Variants in CACNA1C observed in about 807,000 individuals in gnomAD.
CACNA1C encodes voltage-dependent L-type calcium channel subunit alpha-1C.
Under a neutral mutation model 229.0 loss-of-function variants are expected in CACNA1C, and 30 were observed. That is an observed-to-expected ratio of 0.13 (90% CI 0.10 to 0.18). CACNA1C has a LOEUF of 0.18. Ranked by LOEUF, CACNA1C falls within the 10% of genes least tolerant of loss-of-function variation. The pLI is 1.00. For synonymous variants in CACNA1C, 1,114 were observed against 1,132.5 expected (o/e 0.98, Z 0.33); for missense variants, 1,658 against 2,845.0 (o/e 0.58, Z 9.49).
At chr12:2,114,271 T>G (rs1202200796) in intron 1 of CACNA1C, among the ~76,000 whole-genome samples, 2 of 152,194 alleles carry the variant, frequency 1.3e-5, no homozygotes, top group Non-Finnish European at 2.9e-5. Context: ...TTGAGGCTAG[T>G]CTGGGCTTCC....
chr12:2,456,295 C>A (rs1388100407), intron 4 of CACNA1C, among the ~76,000 whole-genome samples: 1 of 152,180 alleles, frequency 6.6e-6, no homozygotes, highest in Non-Finnish European at 1.5e-5. Flanking sequence ...TCTGAGCCAC[C>A]CAGTGTCTCG....
At chr12:2,350,482 C>T (rs1294909862) in intron 3 of CACNA1C, among the ~76,000 whole-genome samples, 3 of 152,194 alleles carry the variant, frequency 2.0e-5, no homozygotes, top group Non-Finnish European at 2.9e-5. Flanking sequence ...CAGAATCTGT[C>T]TCTTTCATCT....
chr12:2,309,851 C>T (rs1490110036), intron 3 of CACNA1C, among the ~76,000 whole-genome samples: 1 of 152,156 alleles, frequency 6.6e-6, no homozygotes, highest in Non-Finnish European at 1.5e-5. Context: ...CAGCGAAACA[C>T]CAAGTAGCAA....
chr12:1,994,994 T>C (rs943108034), intron 1 of CACNA1C, among the ~76,000 whole-genome samples: 14 of 150,226 alleles, frequency 9.3e-5, no homozygotes, highest in African/African-American at 3.4e-4. Flanking sequence ...TGGGAGGTTT[T>C]TGTTTTGCAG....
rs531614834 is a variant in CACNA1C at position 2,651,919 on chromosome 12, C to A, written c.4074+151C>A. 6.6e-6 allele frequency among the ~76,000 whole-genome samples: 1 copy of A among 152,136 alleles called. No homozygotes were observed. Among genetic ancestry groups the A allele is most frequent in the South Asian group, 2.1e-4 (1 of 4,792 alleles). On this transcript the variant is annotated intron_variant, in intron 32 of 46. Coordinates refer to ENST00000399655, the MANE Select transcript of CACNA1C (RefSeq NM_000719.7). The surrounding 1 kb of genome is among the most constrained non-coding windows in gnomAD (Gnocchi z 5.4). ...GGCCGCTCTGCCTGGCTCCCTGTTT[C>A]CGCACCGAGAGGCCTAGACGAAGCA...
chr12:2,192,099 C>T (rs1037267051), intron 3 of CACNA1C, among the ~76,000 whole-genome samples: 13 of 152,238 alleles, frequency 8.5e-5, no homozygotes, highest in African/African-American at 2.2e-4. Flanking sequence ...CGCACATGGG[C>T]GCGCACACAC....
At chr12:2,018,191 C>T (rs1209208011) in intron 1 of CACNA1C, 1 of 152,164 alleles carries the variant, frequency 6.6e-6, no homozygotes, top group Non-Finnish European at 1.5e-5. Context: ...GCGAGGGGAG[C>T]TAGGGAGAGT....
At chr12:2,362,022 G>A (rs79843979) in intron 3 of CACNA1C, among the ~76,000 whole-genome samples, 11,555 of 152,166 alleles carry the variant, frequency 0.076, 573 homozygotes, top group African/African-American at 0.13. Context: ...TCTCCACCCC[G>A]CAGGCCATTC....
chr12:2,352,528 C>G (rs1437360950), intron 3 of CACNA1C, among the ~76,000 whole-genome samples: 1 of 152,156 alleles, frequency 6.6e-6, no homozygotes, highest in African/African-American at 2.4e-5. Context: ...TAATGGCCTC[C>G]TTTCTTTATC....
chr12:2,096,772 T>C (rs2074187897), intron 1 of CACNA1C, among the ~76,000 whole-genome samples: 1 of 152,186 alleles, frequency 6.6e-6, no homozygotes, highest in South Asian at 2.1e-4. Flanking sequence ...GCAAACTCTA[T>C]TCTACTTTCT....
At chr12:2,203,932 C>G (rs1304749689) in intron 3 of CACNA1C, among the ~76,000 whole-genome samples, 1 of 152,200 alleles carries the variant, frequency 6.6e-6, no homozygotes, top group African/African-American at 2.4e-5. Context: ...TGATTTCTGC[C>G]CCTTCATGGG....
chr12:2,519,461 C>T (rs1568185117), intron 9 of CACNA1C, among the ~76,000 whole-genome samples: 1 of 152,234 alleles, frequency 6.6e-6, no homozygotes, highest in African/African-American at 2.4e-5. Flanking sequence ...GACATCCTTT[C>T]AAAGTCATTT....
chr12:2,045,088 A>G (rs1321904975), intron 1 of CACNA1C, among the ~76,000 whole-genome samples: 2 of 152,146 alleles, frequency 1.3e-5, no homozygotes, highest in African/African-American at 4.8e-5. Context: ...GTTTGCCAAG[A>G]GTTATATTAG....
chr12:2,298,944 T>G (rs974264072), intron 3 of CACNA1C, among the ~76,000 whole-genome samples: 1 of 152,204 alleles, frequency 6.6e-6, no homozygotes, highest in Non-Finnish European at 1.5e-5. Flanking sequence ...GGGGACTTCA[T>G]AGGTTTGAGT....
chr12:2,019,820 A>G (rs2046122068), intron 1 of CACNA1C: 1 of 152,188 alleles, frequency 6.6e-6, no homozygotes, highest in Non-Finnish European at 1.5e-5. Context: ...AATCCTGAAG[A>G]TATCAGTGGT....
chr12:2,194,199 TCC>T (rs1266846236), intron 3 of CACNA1C, among the ~76,000 whole-genome samples: 2 of 125,344 alleles, frequency 1.6e-5, no homozygotes, highest in Admixed American at 1.6e-4. Flanking sequence ...CCCCTCCTGC[TCC>T]CCCCTGTGTT....
At position 2,512,026 on chromosome 12, in the gene CACNA1C, T is replaced by C. The variant is rs10848668; in HGVS notation, c.1218-786T>C. Among the ~76,000 whole-genome samples, 50,552 of 152,074 alleles carry C rather than the reference T, an allele frequency of 0.33. 10,262 individuals are homozygous for C. Among genetic ancestry groups the C allele is most frequent in the African/African-American group, 0.57 (23,497 of 41,446 alleles). On this transcript the variant is annotated intron_variant, in intron 8 of 46. Coordinates refer to ENST00000399655, the MANE Select transcript of CACNA1C (RefSeq NM_000719.7). This position sits in a 1 kb window ranked among gnomAD's most constrained non-coding sequence, Gnocchi z 4.3. ...TTGTGTTTGGAATCTTCATTTGTCT[T>C]CATGTGGGAGAGAACCTTCTCTAGA...
intron 2 of CACNA1C, among the ~76,000 whole-genome samples, chr12:2,119,757 T>C (rs2085673262): frequency 6.6e-6 from 1 of 152,236 alleles, no homozygotes; most frequent in East Asian, 1.9e-4. Context: ...TGCCGTACTC[T>C]TGGGGGTCTT....
intron 5 of CACNA1C, among the ~76,000 whole-genome samples, chr12:2,470,475 A>C (rs2099585490): frequency 6.6e-6 from 1 of 152,248 alleles, no homozygotes; most frequent in South Asian, 2.1e-4. Flanking sequence ...ATCAATACGC[A>C]GAACGTGAGC....
Sources: allele counts gnomAD v4.1 joint callset (sites outside exome capture counted in the v4.1 genomes callset), GRCh38; gene constraint gnomAD v4.1.1; non-coding constraint Gnocchi (gnomAD v3.1); transcripts MANE v1.5; gene names NCBI Gene and HGNC (gene_info 2026-07-23, HGNC 2026-07-21).